The following CDK6 variants were observed in gnomAD, a reference collection of about 807,000 sequenced individuals.
CDK6 encodes the protein cyclin dependent kinase 6, also known as cyclin-dependent kinase 6.
A neutral mutation model predicts 37.1 loss-of-function variants in CDK6; 6 were observed. That is an observed-to-expected ratio of 0.16 (90% confidence interval 0.09 to 0.32). CDK6 has a LOEUF of 0.32. Ranked by LOEUF, CDK6 falls within the 10% of genes least tolerant of loss-of-function variation. CDK6 has a pLI of 1.00. For missense variants in CDK6, 224 were observed against 418.9 expected (o/e 0.53, Z 4.06); for synonymous variants, 160 against 161.3 (o/e 0.99, Z 0.06).
At chr7:92,628,800 G>C (rs369377097) in intron 5 of CDK6, among the ~76,000 whole-genome samples, 1 of 151,984 alleles carries the variant, frequency 6.6e-6, no homozygotes, top group East Asian at 1.9e-4. Flanking sequence ...TTAAAAACTG[G>C]GGCTGGCTGA....
chr7:92,738,388 C>T (rs772144549), intron 3 of CDK6, among the ~76,000 whole-genome samples: 4 of 152,060 alleles, frequency 2.6e-5, no homozygotes, highest in African/African-American at 4.8e-5. Context: ...GTCTGTAATC[C>T]CAGCACTTTG....
At chr7:92,794,135 C>T (rs2083673815) in intron 2 of CDK6, among the ~76,000 whole-genome samples, 1 of 152,092 alleles carries the variant, frequency 6.6e-6, no homozygotes, top group South Asian at 2.1e-4. Context: ...TCTTTAAAAT[C>T]CTTCTATTGT....
chr7:92,690,807 T>C (rs917782700), intron 4 of CDK6, among the ~76,000 whole-genome samples: 18 of 152,144 alleles, frequency 1.2e-4, no homozygotes, highest in Admixed American at 1.0e-3. Context: ...GCAAGCAAAA[T>C]ATATGAAAAC....
intron 2 of CDK6, among the ~76,000 whole-genome samples, chr7:92,799,489 T>C (rs1296462230): frequency 6.6e-6 from 1 of 150,662 alleles, no homozygotes; most frequent in Non-Finnish European, 1.5e-5. Flanking sequence ...GTCTCAAGTT[T>C]CCATAGTCTT....
At chr7:92,622,273 A>C (rs1235327930) in intron 6 of CDK6, among the ~76,000 whole-genome samples, 2 of 152,350 alleles carry the variant, frequency 1.3e-5, no homozygotes, top group East Asian at 3.9e-4. Context: ...GAATGAAACT[A>C]TGTAAATCAT....
At chr7:92,802,794 T>C (rs1800615387) in intron 2 of CDK6, among the ~76,000 whole-genome samples, 1 of 152,226 alleles carries the variant, frequency 6.6e-6, no homozygotes, top group Admixed American at 6.5e-5. Flanking sequence ...TATTGATATC[T>C]GAGGCTGGAT....
chr7:92,809,121 A>G (rs1043715862), intron 2 of CDK6, among the ~76,000 whole-genome samples: 1 of 152,230 alleles, frequency 6.6e-6, no homozygotes, highest in Admixed American at 6.5e-5. Flanking sequence ...TAATGAAGAT[A>G]TATTTCTAAA....
intron 4 of CDK6, among the ~76,000 whole-genome samples, chr7:92,715,060 T>C (rs190854826): frequency 6.6e-6 from 1 of 152,352 alleles, no homozygotes; most frequent in Admixed American, 6.5e-5. Flanking sequence ...GTGCAGATAG[T>C]ATTTAACGTC....
intron 2 of CDK6, among the ~76,000 whole-genome samples, chr7:92,805,319 G>C (rs1410190224): frequency 6.6e-6 from 1 of 152,122 alleles, no homozygotes; most frequent in African/African-American, 2.4e-5. Flanking sequence ...CAGCTTGTGA[G>C]GTAATTATAT....
At position 92,835,184 on chromosome 7, in the gene CDK6, G is replaced by A. The variant is rs2116043857; in HGVS notation, c.-368+1294C>T. 4 of 152,542 alleles carry A rather than the reference G, an allele frequency of 2.6e-5. No individual in the cohort carries two copies. In the South Asian group the frequency reaches 8.3e-4, roughly 32 times the overall value. The allele number at this position is 152,542 out of a possible 1,614,324, so 9.4% of individuals were successfully genotyped here. ...TTAAAAGCCGAGGAAAGAGCCCCCAGGGACTGCCCGGGGGTCTGAGCCAGG... is the reference window on the plus strand; with the variant it reads ...TTAAAAGCCGAGGAAAGAGCCCCCAAGGACTGCCCGGGGGTCTGAGCCAGG... On this transcript the variant is annotated intron_variant, in intron 1 of 7. Transcript: ENST00000424848. The surrounding 1 kb of genome is among the most constrained non-coding windows in gnomAD (Gnocchi z 4.2).
intron 2 of CDK6, among the ~76,000 whole-genome samples, chr7:92,807,099 C>T (rs1800745219): frequency 6.6e-6 from 1 of 152,104 alleles, no homozygotes; most frequent in Non-Finnish European, 1.5e-5. Flanking sequence ...CCTCTGTTCC[C>T]CTTAACCTCA....
intron 2 of CDK6, among the ~76,000 whole-genome samples, chr7:92,806,644 C>T (rs1336117524): frequency 1.3e-5 from 2 of 152,094 alleles, no homozygotes; most frequent in African/African-American, 4.8e-5. Flanking sequence ...AACCAGATGA[C>T]GGGCACAGGA....
chr7:92,692,034 G>A (rs1304600881), intron 4 of CDK6, among the ~76,000 whole-genome samples: 2 of 152,144 alleles, frequency 1.3e-5, no homozygotes, highest in Non-Finnish European at 2.9e-5. Context: ...TTGGGAGGCC[G>A]AGGTGGGCGG....
intron 4 of CDK6, among the ~76,000 whole-genome samples, chr7:92,705,815 G>A (rs1585414814): frequency 6.6e-6 from 1 of 152,162 alleles, no homozygotes; most frequent in Non-Finnish European, 1.5e-5. Flanking sequence ...TAGAGAATAA[G>A]CAATTGTATG....
chr7:92,689,300 A>G (rs1039492972), intron 4 of CDK6, among the ~76,000 whole-genome samples: 28 of 152,046 alleles, frequency 1.8e-4, no homozygotes, highest in African/African-American at 6.0e-4. Flanking sequence ...CTATGTGTCC[A>G]CATGTTCTCA....
At chr7:92,830,437 G>A (rs908361254) in intron 2 of CDK6, among the ~76,000 whole-genome samples, 1 of 152,188 alleles carries the variant, frequency 6.6e-6, no homozygotes, top group Non-Finnish European at 1.5e-5. Flanking sequence ...TGACTTGAAG[G>A]TACTTATAAA....
chr7:92,815,355 G>T (rs995136266), intron 2 of CDK6, among the ~76,000 whole-genome samples: 2 of 152,142 alleles, frequency 1.3e-5, no homozygotes, highest in African/African-American at 4.8e-5. Context: ...AGAGCCAGCA[G>T]GGAGGAAAAG....
intron 4 of CDK6, among the ~76,000 whole-genome samples, chr7:92,692,480 T>G (rs974295603): frequency 2.0e-5 from 3 of 152,044 alleles, no homozygotes; most frequent in Non-Finnish European, 4.4e-5. Context: ...CTGCTACCTA[T>G]GAAGAGTATG....
At chr7:92,640,904 G>T (rs1796289673) in intron 5 of CDK6, among the ~76,000 whole-genome samples, 1 of 152,058 alleles carries the variant, frequency 6.6e-6, no homozygotes, top group Non-Finnish European at 1.5e-5. Flanking sequence ...TTAAAGTCTT[G>T]CAAATTTCAT....
Sources: gnomAD v4.1 joint callset for allele counts (sites outside exome capture counted in the v4.1 genomes callset) on GRCh38, gnomAD v4.1.1 for gene constraint, Gnocchi (gnomAD v3.1) non-coding constraint, MANE v1.5 for transcripts, NCBI Gene and HGNC (gene_info 2026-07-23, HGNC 2026-07-21) for gene names.